The following C9orf85 variants were observed in gnomAD, a reference collection of about 807,000 sequenced individuals.
The protein encoded by C9orf85 is chromosome 9 open reading frame 85, also known as uncharacterized protein C9orf85.
A neutral mutation model predicts 14.9 loss-of-function variants in C9orf85; 16 were observed. That is an observed-to-expected ratio of 1.08 (90% confidence interval 0.73 to 1.63). The LOEUF (loss-of-function observed/expected upper bound fraction) is 1.63, where lower values mean the gene tolerates loss of function less well. C9orf85 is among the 40% of genes most tolerant of loss of function. C9orf85 has a pLI of 0.00. For synonymous variants in C9orf85, 45 were observed against 56.8 expected (o/e 0.79, Z 0.93); for missense variants, 172 against 186.1 (o/e 0.92, Z 0.44).
At chr9:71,915,386 G>A (rs1827624071) in intron 1 of C9orf85, among the ~76,000 whole-genome samples, 1 of 151,756 alleles carries the variant, frequency 6.6e-6, no homozygotes, top group Non-Finnish European at 1.5e-5. Flanking sequence ...TCACTATGTT[G>A]GCCAGGTTGG....
chr9:71,946,893 C>A, intron 1 of C9orf85, 113 bp from the exon 2 acceptor site: 1 of 581,606 alleles, frequency 1.7e-6, no homozygotes, highest in Non-Finnish European at 3.0e-6. Context: ...AATTGTTATG[C>A]AGATTAAGGT....
At chr9:71,941,661 A>G (rs543547332) in intron 1 of C9orf85, 2 of 152,224 alleles carry the variant, frequency 1.3e-5, no homozygotes, top group Non-Finnish European at 2.9e-5. Context: ...AAAGAGAGAT[A>G]ACAGATATAC....
chr9:71,938,606 G>C (rs1343511328), intron 1 of C9orf85, among the ~76,000 whole-genome samples: 1 of 151,660 alleles, frequency 6.6e-6, no homozygotes, highest in African/African-American at 2.4e-5. Flanking sequence ...TCTTTTTAGA[G>C]AAGCTTAATA....
intron 1 of C9orf85, among the ~76,000 whole-genome samples, chr9:71,940,206 A>C (rs1232923835): frequency 6.6e-6 from 1 of 152,136 alleles, no homozygotes; most frequent in South Asian, 2.1e-4. Flanking sequence ...CTCACATCTC[A>C]ATAATAAGAA....
chr9:71,915,037 T>C (rs1316161101), intron 1 of C9orf85, among the ~76,000 whole-genome samples: 1 of 152,190 alleles, frequency 6.6e-6, no homozygotes, highest in East Asian at 1.9e-4. Flanking sequence ...AGCCATTCCT[T>C]AGCCCCAGTT....
At chr9:71,915,932 G>A (rs77216714) in intron 1 of C9orf85, among the ~76,000 whole-genome samples, 14 of 152,138 alleles carry the variant, frequency 9.2e-5, no homozygotes, top group African/African-American at 1.2e-4. Context: ...CAAAAAGGCC[G>A]CAGTGAAATT....
intron 2 of C9orf85, among the ~76,000 whole-genome samples, chr9:71,961,496 G>A (rs771985651): frequency 1.4e-4 from 21 of 152,182 alleles, no homozygotes; most frequent in East Asian, 2.0e-4. Flanking sequence ...GGGAGGCTGA[G>A]GTTGTGGTGA....
intron 1 of C9orf85, among the ~76,000 whole-genome samples, chr9:71,943,795 C>T (rs1194170614): frequency 6.6e-6 from 1 of 151,668 alleles, no homozygotes; most frequent in East Asian, 2.0e-4. Context: ...CCTGCCTCGG[C>T]CTCCCAAAGT....
At chr9:71,924,217 T>G (rs1343725273) in intron 1 of C9orf85, among the ~76,000 whole-genome samples, 2 of 152,182 alleles carry the variant, frequency 1.3e-5, no homozygotes, top group African/African-American at 4.8e-5. Context: ...AGCTTTGGAG[T>G]TGATTTTCTC....
At chr9:71,938,453 G>A (rs1828245518) in intron 1 of C9orf85, among the ~76,000 whole-genome samples, 1 of 151,938 alleles carries the variant, frequency 6.6e-6, no homozygotes, top group Non-Finnish European at 1.5e-5. Flanking sequence ...GCACAAATTT[G>A]AGACTTGTTG....
chr9:71,978,550 G>A (rs1017718942), intron 3 of C9orf85, among the ~76,000 whole-genome samples: 5 of 152,094 alleles, frequency 3.3e-5, no homozygotes, highest in South Asian at 4.1e-4. Flanking sequence ...TTTATGGGCC[G>A]CATTATGCAA....
chr9:71,982,688 T>A (rs1166947237), exon 4 of C9orf85: 1 of 360,924 alleles, frequency 2.8e-6, no homozygotes. Flanking sequence ...CAGGCTGGAG[T>A]GCAGTGGCAG....
Position 71,948,099 on chromosome 9 carries a change from A to G in C9orf85, c.209+987A>G, listed in dbSNP as rs1259039836. Among the ~76,000 whole-genome samples the G allele has an allele frequency of 2.0e-5, 3 of 152,212 alleles. No individual in the cohort carries two copies. The East Asian group carries it at 5.8e-4, about 29-fold the overall frequency. ...GTGATTATCTTAAATAAAAATTAGCATTGTTCCTTTTACATTATAAGATTT... is the reference window on the plus strand; with the variant it reads ...GTGATTATCTTAAATAAAAATTAGCGTTGTTCCTTTTACATTATAAGATTT... On this transcript the variant is annotated intron_variant, in intron 2 of 3. Coordinates refer to ENST00000334731, the MANE Select transcript of C9orf85 (RefSeq NM_182505.5).
chr9:71,983,272 G>A (rs1302439943), downstream of C9orf85: 4 of 152,446 alleles, frequency 2.6e-5, no homozygotes, highest in African/African-American at 9.6e-5. Flanking sequence ...GGGCTTACAG[G>A]CATGAGCCAC....
downstream of C9orf85, among the ~76,000 whole-genome samples, chr9:71,973,673 C>T (rs772274335): frequency 5.3e-5 from 8 of 151,916 alleles, no homozygotes; most frequent in Non-Finnish European, 1.2e-4. Context: ...AAAGTTCATG[C>T]ATTTACACAC....
chr9:71,965,095 A>G (rs1219058943), intron 2 of C9orf85, among the ~76,000 whole-genome samples: 6 of 152,106 alleles, frequency 3.9e-5, no homozygotes, highest in Non-Finnish European at 7.4e-5. Flanking sequence ...TAACAAACAG[A>G]CCAGAAGAGA....
intron 1 of C9orf85, among the ~76,000 whole-genome samples, chr9:71,942,967 C>T (rs779691568): frequency 5.3e-5 from 8 of 151,608 alleles, no homozygotes; most frequent in Admixed American, 1.3e-4. Context: ...TTATTAGTCA[C>T]GTGAGTTCTT....
At chr9:71,970,786 T>C (rs1289652690) in intron 2 of C9orf85, among the ~76,000 whole-genome samples, 9 of 151,644 alleles carry the variant, frequency 5.9e-5, no homozygotes, top group African/African-American at 2.0e-4. Flanking sequence ...TGTAGATCAG[T>C]TTGGGGAGTA....
chr9:71,939,128 A>G (rs1297310556), intron 1 of C9orf85, among the ~76,000 whole-genome samples: 1 of 151,772 alleles, frequency 6.6e-6, no homozygotes, highest in Non-Finnish European at 1.5e-5. Context: ...TTAGCTCTAT[A>G]AAATTGATCT....
Sources: allele counts gnomAD v4.1 joint callset (sites outside exome capture counted in the v4.1 genomes callset), GRCh38; gene constraint gnomAD v4.1.1; transcripts MANE v1.5; gene names NCBI Gene and HGNC (gene_info 2026-07-23, HGNC 2026-07-21).